OLFM3: variants seen among roughly 807,000 people sequenced by gnomAD.
OLFM3 encodes the protein olfactomedin 3.
A neutral mutation model predicts 48.6 loss-of-function variants in OLFM3; 20 were observed. That is an observed-to-expected ratio of 0.41 (90% CI 0.29 to 0.60). OLFM3 has a LOEUF of 0.60. Among genes scored for constraint, OLFM3 ranks in the 20% least tolerant of loss-of-function variants. The pLI, the probability that OLFM3 is intolerant of heterozygous loss-of-function variation, is 0.28. For missense variants in OLFM3, 437 were observed against 544.3 expected (o/e 0.80, Z 1.96); for synonymous variants, 222 against 198.1 (o/e 1.12, Z -1.01).
intron 1 of OLFM3, among the ~76,000 whole-genome samples, chr1:101,956,086 G>GTTTTGTTTTTTTTT (rs1553183030): frequency 1.9e-5 from 2 of 105,054 alleles, no homozygotes; most frequent in African/African-American, 7.8e-5. Flanking sequence ...ACAATAACAG[G>GTTTTGTTTTTTTTT]TTTTTTTTTT....
rs1236325802 is a variant in OLFM3 at position 101,804,693 on chromosome 1, G to A, written c.922C>T (p.Leu308=). The part of the protein sequence containing the change: ...DMGRVLAQRS[L]EYAGFHNVYP... ...ACATTATGAAAACCAGCATACTCCA[G>A]GCTTCGTTGGGCAAGCACTCTCCCC... Residue 308 remains leucine (L), a synonymous_variant, in exon 6 of 6, where the codon CTG becomes TTG. Coordinates refer to ENST00000370103, the MANE Select transcript of OLFM3 (RefSeq NM_058170.4). The surrounding 1 kb of genome is among the most constrained non-coding windows in gnomAD (Gnocchi z 4.5). The A allele has an allele frequency of 6.2e-7, 1 of 1,612,588 alleles. No individual in the cohort carries two copies. The highest frequency in any genetic ancestry group is 1.7e-5 in the Admixed American group (1 of 59,812).
intron 1 of OLFM3, among the ~76,000 whole-genome samples, chr1:101,889,715 G>A (rs188130897): frequency 2.0e-5 from 3 of 152,018 alleles, no homozygotes; most frequent in African/African-American, 7.2e-5. Context: ...TACTGATCTA[G>A]CATAGATAAC....
In OLFM3 at chr1:101,839,035, G is replaced by A. The variant is rs957812205; in HGVS notation, c.70-2010C>T. On this transcript the variant is annotated intron_variant, in intron 1 of 5. Transcript: ENST00000370103. ...ACAACAATCATGAGCAAATATTGGGGATGCTAAAAATTATAAACTCAAGAA... is the reference window on the plus strand; with the variant it reads ...ACAACAATCATGAGCAAATATTGGGAATGCTAAAAATTATAAACTCAAGAA... Among the ~76,000 whole-genome samples, 9 of 152,178 alleles carry A rather than the reference G, an allele frequency of 5.9e-5. No individual in the cohort carries two copies. In the South Asian group the frequency reaches 6.2e-4, roughly 10 times the overall value.
intron 1 of OLFM3, among the ~76,000 whole-genome samples, chr1:101,891,742 G>A (rs1217826708): frequency 6.6e-6 from 1 of 151,970 alleles, no homozygotes; most frequent in Non-Finnish European, 1.5e-5. Flanking sequence ...AATCTCCAAT[G>A]TGTATATGCA....
chr1:101,988,799 C>T (rs1661319704), intron 1 of OLFM3, among the ~76,000 whole-genome samples: 1 of 151,922 alleles, frequency 6.6e-6, no homozygotes, highest in African/African-American at 2.4e-5. Context: ...TAAATGAATA[C>T]ATTACAATTT....
At chr1:101,885,180 A>G (rs1050383120) in intron 1 of OLFM3, among the ~76,000 whole-genome samples, 1 of 152,000 alleles carries the variant, frequency 6.6e-6, no homozygotes, top group African/African-American at 2.4e-5. Flanking sequence ...GGATATGGCA[A>G]AAAAAGGTGG....
Position 101,804,577 on chromosome 1 carries a change from T to G in OLFM3, c.1038A>C (p.Ala346=), listed in dbSNP as rs1037231691. 2 of 1,612,614 alleles carry G rather than the reference T, an allele frequency of 1.2e-6. No homozygotes were observed. Among genetic ancestry groups the G allele is most frequent in the Admixed American group, 1.7e-5 (1 of 59,814 alleles). ...TAAGTTGGCTGATGACAATATTGCCTGCATTCTGGTTAGTTGCATACACAG... is the reference window on the plus strand; with the variant it reads ...TAAGTTGGCTGATGACAATATTGCCGGCATTCTGGTTAGTTGCATACACAG... ...LWAVYATNQN[A]GNIVISQLNQ... Residue 346 remains alanine (A), a synonymous_variant, in exon 6 of 6, where the codon GCA becomes GCC. Coordinates refer to ENST00000370103, the MANE Select transcript of OLFM3 (RefSeq NM_058170.4). The surrounding 1 kb of genome is among the most constrained non-coding windows in gnomAD (Gnocchi z 4.5).
chr1:101,828,056 C>CTCTCTG (rs1654964666), intron 3 of OLFM3, among the ~76,000 whole-genome samples: 1 of 128,628 alleles, frequency 7.8e-6, no homozygotes, highest in Non-Finnish European at 1.7e-5. Flanking sequence ...GTCTGTCTCT[C>CTCTCTG]TCTCTCTCTG....
chr1:101,946,175 A>G (rs1659958540), intron 1 of OLFM3, among the ~76,000 whole-genome samples: 1 of 145,290 alleles, frequency 6.9e-6, no homozygotes, highest in African/African-American at 2.6e-5. Context: ...AAGCAGTGTA[A>G]AAATGACTGC....
intron 1 of OLFM3, among the ~76,000 whole-genome samples, chr1:101,926,115 A>G (rs1016037901): frequency 3.9e-5 from 6 of 152,194 alleles, no homozygotes; most frequent in Non-Finnish European, 7.3e-5. Context: ...TTCATTATAA[A>G]TAGTCCAGTG....
intron 1 of OLFM3, among the ~76,000 whole-genome samples, chr1:101,973,523 G>A (rs1433921257): frequency 1.3e-5 from 2 of 152,148 alleles, no homozygotes; most frequent in East Asian, 3.8e-4. Context: ...TGTTTTGCCA[G>A]CTATCTAAGT....
intron 1 of OLFM3, among the ~76,000 whole-genome samples, chr1:101,880,020 G>C (rs1657457072): frequency 2.0e-5 from 3 of 151,862 alleles, no homozygotes; most frequent in Admixed American, 1.3e-4. Context: ...AAGCCCATCT[G>C]TTTTTCTGTA....
At chr1:101,991,016 A>AAAAAAAAAAAAAAAAAAATAT (rs1553186119) in intron 1 of OLFM3, among the ~76,000 whole-genome samples, 1 of 32,200 alleles carries the variant, frequency 3.1e-5, no homozygotes, top group African/African-American at 1.7e-4. Flanking sequence ...AAAAAAAAAA[A>AAAAAAAAAAAAAAAAAAATAT]ATATATATAT....
intron 1 of OLFM3, among the ~76,000 whole-genome samples, chr1:101,839,221 T>A (rs530977614): frequency 6.6e-6 from 1 of 152,314 alleles, no homozygotes; most frequent in South Asian, 2.1e-4. Flanking sequence ...TCGTTAACAT[T>A]CTCCCCATCC....
Position 101,894,219 on chromosome 1 carries a change from A to G in OLFM3, c.70-57194T>C, listed in dbSNP as rs1282623329. Among the ~76,000 whole-genome samples the G allele has an allele frequency of 2.0e-5, 3 of 152,180 alleles. No homozygotes were observed. The East Asian group carries it at 5.8e-4, about 29-fold the overall frequency. ...AAATACAATTTTTTTAAAAGTTGAC[A>G]AGGATGAGCATGGCCAACAAACCTC... On this transcript the variant is annotated intron_variant, in intron 1 of 5. Transcript: ENST00000370103.
At chr1:101,824,178 G>A (rs1343129895) in intron 4 of OLFM3, among the ~76,000 whole-genome samples, 1 of 151,834 alleles carries the variant, frequency 6.6e-6, no homozygotes, top group African/African-American at 2.4e-5. Flanking sequence ...TATTTATCTT[G>A]AGAGAACACT....
chr1:101,991,595 T>C (rs76626350), intron 1 of OLFM3, among the ~76,000 whole-genome samples: 4,091 of 152,026 alleles, frequency 0.027, 69 homozygotes, highest in Admixed American at 0.034. Context: ...TTCACATCTC[T>C]TTAATACATC....
intron 1 of OLFM3, among the ~76,000 whole-genome samples, chr1:101,861,156 G>T (rs1217030986): frequency 6.6e-6 from 1 of 151,918 alleles, no homozygotes; most frequent in Non-Finnish European, 1.5e-5. Flanking sequence ...CTGCTTCCCG[G>T]GTTCAAGCGA....
chr1:101,965,133 C>T (rs1466765260), intron 1 of OLFM3, among the ~76,000 whole-genome samples: 1 of 152,090 alleles, frequency 6.6e-6, no homozygotes, highest in African/African-American at 2.4e-5. Flanking sequence ...TAAAGGACCC[C>T]AGGAAAATAC....
Sources: gnomAD v4.1 joint callset for allele counts (sites outside exome capture counted in the v4.1 genomes callset) on GRCh38, gnomAD v4.1.1 for gene constraint, Gnocchi (gnomAD v3.1) non-coding constraint, MANE v1.5 for transcripts, NCBI Gene and HGNC (gene_info 2026-07-23, HGNC 2026-07-21) for gene names.